The following MSRB3 variants were observed in gnomAD, a reference collection of about 807,000 sequenced individuals.
MSRB3 encodes methionine sulfoxide reductase B3.
MSRB3 carries 13 observed loss-of-function variants against 21.0 expected under a neutral mutation model. The ratio of observed to expected loss-of-function variants is 0.62; its 90% confidence interval spans 0.40 to 0.98. The LOEUF is 0.98. Among genes scored for constraint, MSRB3 ranks in the 50% least tolerant of loss-of-function variants. MSRB3 has a pLI of 0.00. For synonymous variants in MSRB3, 87 were observed against 88.6 expected, an observed-to-expected ratio of 0.98 and a Z score of 0.10; for missense variants, 199 against 230.3, an observed-to-expected ratio of 0.86 and a Z score of 0.88.
At chr12:65,327,419 C>T (rs1420898511) in intron 3 of MSRB3, among the ~76,000 whole-genome samples, 2 of 152,220 alleles carry the variant, frequency 1.3e-5, no homozygotes, top group African/African-American at 4.8e-5. Context: ...TTTATTGGCT[C>T]ATTTGTGGTT....
At chr12:65,353,833 C>G (rs1347338860) in intron 4 of MSRB3, among the ~76,000 whole-genome samples, 1 of 152,096 alleles carries the variant, frequency 6.6e-6, no homozygotes, top group Admixed American at 6.6e-5. Context: ...ATGGTCTTCA[C>G]AATTTGGCAT....
chr12:65,338,998 A>C (rs1459419859), intron 4 of MSRB3, among the ~76,000 whole-genome samples: 1 of 152,040 alleles, frequency 6.6e-6, no homozygotes, highest in African/African-American at 2.4e-5. Context: ...AATTGCTTGA[A>C]CCCGGGAGGC....
chr12:65,336,517 CA>C (rs1457328900), intron 4 of MSRB3, among the ~76,000 whole-genome samples: 17 of 152,314 alleles, frequency 1.1e-4, no homozygotes, highest in Admixed American at 3.9e-4. Flanking sequence ...ACCTAAATAA[CA>C]ATCTTAGTTC....
chr12:65,350,585 C>A (rs1359989078), intron 4 of MSRB3, among the ~76,000 whole-genome samples: 2 of 150,646 alleles, frequency 1.3e-5, no homozygotes, highest in African/African-American at 4.9e-5. Flanking sequence ...TGCAGAGACA[C>A]ACATAGGCTC....
At chr12:65,440,454 TAA>T (rs1882319769) in intron 5 of MSRB3, among the ~76,000 whole-genome samples, 2 of 152,006 alleles carry the variant, frequency 1.3e-5, no homozygotes, top group South Asian at 4.1e-4. Context: ...TTAAGAAAAT[TAA>T]GAAGAAAACA....
chr12:65,350,142 C>T lies in MSRB3; in HGVS notation c.264-18856C>T, dbSNP rs1022114416. On this transcript the variant is annotated intron_variant, in intron 4 of 6. Coordinates refer to ENST00000308259, the MANE Select transcript of MSRB3 (RefSeq NM_001031679.3). Reference sequence around the variant, plus strand: ...TATCTACATATGGCTAGCCAGTTTTCCCAGCACCATTTATTAAATAGGGAA... The same window carrying T: ...TATCTACATATGGCTAGCCAGTTTTTCCAGCACCATTTATTAAATAGGGAA... Among the ~76,000 whole-genome samples, 3 of 151,692 alleles carry T rather than the reference C, an allele frequency of 2.0e-5. No individual in the cohort carries two copies. The East Asian group carries it at 5.8e-4, about 29-fold the overall frequency.
chr12:65,414,403 G>A (rs546503597), intron 5 of MSRB3, among the ~76,000 whole-genome samples: 13 of 152,124 alleles, frequency 8.5e-5, no homozygotes, highest in Admixed American at 7.2e-4. Flanking sequence ...ATATAACAAT[G>A]GTGGTCCCAT....
At chr12:65,363,064 G>A (rs1302527228) in intron 4 of MSRB3, among the ~76,000 whole-genome samples, 2 of 152,130 alleles carry the variant, frequency 1.3e-5, no homozygotes, top group African/African-American at 4.8e-5. Flanking sequence ...TGCGCTTACA[G>A]ACAAAAATCA....
chr12:65,288,163 C>A (rs577123940), intron 1 of MSRB3, among the ~76,000 whole-genome samples: 12 of 151,784 alleles, frequency 7.9e-5, no homozygotes, highest in Admixed American at 7.9e-4. Context: ...ATTAGCTGGG[C>A]GTGGTGGTGT....
chr12:65,353,901 G>A (rs1877209523), intron 4 of MSRB3, among the ~76,000 whole-genome samples: 1 of 151,960 alleles, frequency 6.6e-6, no homozygotes, highest in Non-Finnish European at 1.5e-5. Flanking sequence ...TCCTTCAGGA[G>A]CTCTTTTAGG....
At chr12:65,442,719 C>A (rs1426639727) in intron 5 of MSRB3, among the ~76,000 whole-genome samples, 1 of 152,028 alleles carries the variant, frequency 6.6e-6, no homozygotes, top group African/African-American at 2.4e-5. Context: ...GTTTTTGGAT[C>A]AAGGTTACTA....
intron 6 of MSRB3, among the ~76,000 whole-genome samples, chr12:65,457,863 T>C (rs970477736): frequency 1.7e-4 from 26 of 151,794 alleles, no homozygotes; most frequent in African/African-American, 5.8e-4. Flanking sequence ...TTTTATTTTA[T>C]TATTATTATT....
At chr12:65,433,125 T>C (rs1441857816) in intron 5 of MSRB3, among the ~76,000 whole-genome samples, 1 of 152,038 alleles carries the variant, frequency 6.6e-6, no homozygotes, top group Non-Finnish European at 1.5e-5. Flanking sequence ...TGTAGTTATA[T>C]ATCCAAAAGA....
intron 4 of MSRB3, among the ~76,000 whole-genome samples, chr12:65,339,241 G>A (rs1875982671): frequency 1.3e-5 from 2 of 152,170 alleles, no homozygotes; most frequent in South Asian, 4.1e-4. Context: ...ATTGTAGGAT[G>A]TTTAGTAGCA....
intron 2 of MSRB3, among the ~76,000 whole-genome samples, chr12:65,310,362 C>G (rs959027034): frequency 1.5e-4 from 23 of 152,256 alleles, no homozygotes; most frequent in African/African-American, 5.3e-4. Flanking sequence ...GGGAGAGATT[C>G]AGACTGTAGA....
chr12:65,324,978 AG>A (rs1249351236), intron 2 of MSRB3, among the ~76,000 whole-genome samples: 4 of 151,498 alleles, frequency 2.6e-5, no homozygotes, highest in Non-Finnish European at 5.9e-5. Flanking sequence ...GCCATTGAAA[AG>A]AATAATTTTA....
intron 1 of MSRB3, among the ~76,000 whole-genome samples, chr12:65,303,394 G>A (rs1006947356): frequency 1.3e-5 from 2 of 152,084 alleles, no homozygotes; most frequent in Non-Finnish European, 1.5e-5. Flanking sequence ...AAGAAGTAGA[G>A]ATTTTTGACC....
intron 4 of MSRB3, among the ~76,000 whole-genome samples, chr12:65,341,115 A>G (rs1307315377): frequency 1.3e-5 from 2 of 152,148 alleles, no homozygotes; most frequent in Non-Finnish European, 2.9e-5. Context: ...CTCACATTTT[A>G]TTGCAGCACT....
intron 5 of MSRB3, among the ~76,000 whole-genome samples, chr12:65,398,954 C>T (rs983275017): frequency 6.6e-6 from 1 of 152,046 alleles, no homozygotes; most frequent in Admixed American, 6.6e-5. Context: ...CTGTTCTGTT[C>T]TCTTGGTCTA....
Sources: gnomAD v4.1 joint callset for allele counts (sites outside exome capture counted in the v4.1 genomes callset) on GRCh38, gnomAD v4.1.1 for gene constraint, MANE v1.5 for transcripts, NCBI Gene and HGNC (gene_info 2026-07-23, HGNC 2026-07-21) for gene names.